The following FBXO11 variants were observed in gnomAD, a reference collection of about 807,000 sequenced individuals.
FBXO11 encodes the protein F-box protein 11, also known as F-box only protein 11.
In FBXO11, 13 loss-of-function variants were observed where a neutral mutation model predicts 117.0. The ratio of observed to expected loss-of-function variants is 0.11; its 90% confidence interval spans 0.07 to 0.18. FBXO11 has a LOEUF of 0.18. FBXO11 is among the 10% of genes least tolerant of loss of function. FBXO11 has a pLI of 1.00. For synonymous variants in FBXO11, 490 were observed against 380.5 expected (o/e 1.29, Z -3.35); for missense variants, 767 against 1,164.4 (o/e 0.66, Z 4.97).
At chr2:47,905,183 G>C in intron 1 of FBXO11, 1 of 203,686 alleles carries the variant, frequency 4.9e-6, no homozygotes, top group East Asian at 1.3e-4. Flanking sequence ...ACAGACTCCC[G>C]CGGGGTCTGT....
chr2:47,854,790 G>A (rs1272292904), intron 1 of FBXO11, among the ~76,000 whole-genome samples: 3 of 151,716 alleles, frequency 2.0e-5, no homozygotes, highest in Non-Finnish European at 4.4e-5. Flanking sequence ...CACGCTTTGA[G>A]AACCATGGGA....
At chr2:47,884,675 T>C (rs1676682110) in intron 1 of FBXO11, among the ~76,000 whole-genome samples, 1 of 152,236 alleles carries the variant, frequency 6.6e-6, no homozygotes, top group East Asian at 1.9e-4. Context: ...ACCATCCTGA[T>C]GGCTGTTCCT....
At chr2:47,840,048 T>A (rs893081463) in intron 1 of FBXO11, among the ~76,000 whole-genome samples, 51 of 151,594 alleles carry the variant, frequency 3.4e-4, no homozygotes, top group Non-Finnish European at 6.6e-4. Context: ...GGTTCACGCC[T>A]TTCTCCTGCC....
At chr2:47,826,995 G>A (rs1053561603) in intron 11 of FBXO11, among the ~76,000 whole-genome samples, 1 of 152,224 alleles carries the variant, frequency 6.6e-6, no homozygotes, top group Middle Eastern at 3.4e-3. Flanking sequence ...TGGCTGCCCT[G>A]GTCACAGGCA....
intron 1 of FBXO11, among the ~76,000 whole-genome samples, chr2:47,850,750 T>A (rs1458645881): frequency 6.6e-6 from 1 of 152,208 alleles, no homozygotes; most frequent in African/African-American, 2.4e-5. Context: ...TAAAGTCTCT[T>A]GAGAATAGCT....
chr2:47,862,441 T>C (rs1572864545), intron 1 of FBXO11, among the ~76,000 whole-genome samples: 1 of 152,172 alleles, frequency 6.6e-6, no homozygotes, highest in African/African-American at 2.4e-5. Flanking sequence ...ATCTAATCTG[T>C]GAGGCAAACT....
At chr2:47,895,889 G>A (rs1174138655) in intron 1 of FBXO11, among the ~76,000 whole-genome samples, 2 of 152,084 alleles carry the variant, frequency 1.3e-5, no homozygotes, top group Non-Finnish European at 2.9e-5. Flanking sequence ...TAGAGACAGG[G>A]TTTCACCATG....
At chr2:47,840,905 G>A (rs958001054) in intron 1 of FBXO11, among the ~76,000 whole-genome samples, 1 of 151,594 alleles carries the variant, frequency 6.6e-6, no homozygotes, top group Non-Finnish European at 1.5e-5. Flanking sequence ...AACCCATCAT[G>A]TTGAAAACTT....
chr2:47,826,967 A>C (rs1156770644), intron 11 of FBXO11, among the ~76,000 whole-genome samples: 1 of 152,228 alleles, frequency 6.6e-6, no homozygotes, highest in Admixed American at 6.5e-5. Context: ...TTGGAGCTTT[A>C]ACCTGCTCCA....
At chr2:47,890,613 G>A (rs1383203140) in intron 1 of FBXO11, among the ~76,000 whole-genome samples, 1 of 151,860 alleles carries the variant, frequency 6.6e-6, no homozygotes, top group Non-Finnish European at 1.5e-5. Context: ...AGACCATCCT[G>A]GCCAACATGA....
At chr2:47,895,084 T>C (rs1677555674) in intron 1 of FBXO11, among the ~76,000 whole-genome samples, 1 of 152,166 alleles carries the variant, frequency 6.6e-6, no homozygotes, top group South Asian at 2.1e-4. Context: ...AATGGAAATT[T>C]TGTCTTTGAG....
At chr2:47,867,302 C>T (rs1386546409) in intron 1 of FBXO11, among the ~76,000 whole-genome samples, 1 of 152,178 alleles carries the variant, frequency 6.6e-6, no homozygotes, top group African/African-American at 2.4e-5. Context: ...TCATCCTCCA[C>T]TGGAACTCAG....
chr2:47,823,872 G>A (rs1264309431), intron 11 of FBXO11, among the ~76,000 whole-genome samples: 1 of 151,522 alleles, frequency 6.6e-6, no homozygotes, highest in African/African-American at 2.4e-5. Flanking sequence ...TAACAGACAA[G>A]GTCTCACTCT....
chr2:47,822,135 A>C (rs2104730991), intron 13 of FBXO11, 83 bp downstream of exon 13: 1 of 903,248 alleles, frequency 1.1e-6, no homozygotes, highest in East Asian at 2.6e-5. Flanking sequence ...CCACTTGGGT[A>C]GTTTCAAAAT....
At chr2:47,883,726 G>A (rs369979287) in intron 1 of FBXO11, 65 of 262,524 alleles carry the variant, frequency 2.5e-4, no homozygotes, top group African/African-American at 1.3e-3. Flanking sequence ...GAATAAGCAC[G>A]AGAGAAAGAA....
At chr2:47,820,039 A>T (rs1558410966) in intron 14 of FBXO11, among the ~76,000 whole-genome samples, 1 of 152,216 alleles carries the variant, frequency 6.6e-6, no homozygotes, top group Non-Finnish European at 1.5e-5. Flanking sequence ...TGGTGTAACA[A>T]ATATAATAGA....
At chr2:47,891,092 G>A (rs966371456) in intron 1 of FBXO11, among the ~76,000 whole-genome samples, 1 of 152,062 alleles carries the variant, frequency 6.6e-6, no homozygotes, top group Middle Eastern at 3.4e-3. Context: ...CCAACATGCT[G>A]GGATTACAGG....
At chr2:47,896,564 A>C (rs912052145) in intron 1 of FBXO11, among the ~76,000 whole-genome samples, 18 of 152,108 alleles carry the variant, frequency 1.2e-4, no homozygotes, top group African/African-American at 3.9e-4. Context: ...TCCTGGGCTC[A>C]AGCGATCCAC....
chr2:47,838,759 T>C (rs1286674599), intron 4 of FBXO11, 100 bp downstream of exon 4: 4 of 1,062,584 alleles, frequency 3.8e-6, no homozygotes, highest in East Asian at 2.5e-5. Context: ...TTCCAACTAA[T>C]TGTAACTACC....
Sources: allele counts gnomAD v4.1 joint callset (sites outside exome capture counted in the v4.1 genomes callset), GRCh38; gene constraint gnomAD v4.1.1; transcripts MANE v1.5; gene names NCBI Gene and HGNC (gene_info 2026-07-23, HGNC 2026-07-21).